Variants in PRXL2A observed in about 807,000 individuals in gnomAD.
PRXL2A encodes the protein peroxiredoxin like 2A, also known as peroxiredoxin-like 2A.
Under a neutral mutation model 25.6 loss-of-function variants are expected in PRXL2A, and 26 were observed. The ratio of observed to expected loss-of-function variants is 1.02; its 90% CI spans 0.74 to 1.41. PRXL2A has a LOEUF of 1.41. Ranked by LOEUF, PRXL2A falls within the 40% of genes most tolerant of loss-of-function variation. The pLI, the probability that PRXL2A is intolerant of heterozygous loss-of-function variation, is 0.00. For synonymous variants in PRXL2A, 98 were observed against 102.9 expected, an observed-to-expected ratio of 0.95 and a Z score of 0.29; for missense variants, 246 against 273.9, an observed-to-expected ratio of 0.90 and a Z score of 0.72.
At chr10:80,413,371 G>A (rs899377489) in intron 1 of PRXL2A, among the ~76,000 whole-genome samples, 9 of 152,334 alleles carry the variant, frequency 5.9e-5, no homozygotes, top group Non-Finnish European at 8.8e-5. Context: ...GGAAGGGAAA[G>A]CAAAAGGAGG....
chr10:80,414,523 G>C (rs1214679277), intron 1 of PRXL2A, among the ~76,000 whole-genome samples: 2 of 152,180 alleles, frequency 1.3e-5, no homozygotes, highest in Non-Finnish European at 2.9e-5. Context: ...TTAAGACAGA[G>C]GGAATCATAC....
chr10:80,407,906 C>G (rs796120548), upstream of PRXL2A: 1 of 152,328 alleles, frequency 6.6e-6, no homozygotes, highest in East Asian at 1.9e-4. Flanking sequence ...GCCAGCGCGC[C>G]GGACACAACC....
chr10:80,425,437 G>A (rs1845009176), intron 3 of PRXL2A, among the ~76,000 whole-genome samples: 1 of 152,224 alleles, frequency 6.6e-6, no homozygotes, highest in Non-Finnish European at 1.5e-5. Context: ...TGCAGACTCA[G>A]TACAGAAAAT....
chr10:80,422,514 T>G lies in PRXL2A; in HGVS notation c.270+6T>G. ...GCTGTTTCCTCTGTCGAGAGGTGAG[T>G]GCAGATGAGGATCTATTCAGAGAAA... On this transcript the variant is annotated splice_donor_region_variant and intron_variant, in intron 3 of 5. Transcript: ENST00000606162. 6.2e-7 allele frequency: 1 copy of G among 1,610,856 alleles called. No individual in the cohort carries two copies. Among genetic ancestry groups the G allele is most frequent in the Non-Finnish European group, 8.5e-7 (1 of 1,177,162 alleles).
In PRXL2A at chr10:80,433,129, T is replaced by G. The variant is rs1040660563; in HGVS notation, c.*1030T>G. The G allele has an allele frequency of 4.6e-5, 7 of 152,254 alleles. No homozygotes were observed. Among genetic ancestry groups the G allele is most frequent in the African/African-American group, 1.7e-4 (7 of 41,468 alleles). The allele number at this position is 152,254 out of a possible 1,614,324, so 9.4% of individuals were successfully genotyped here. A position where few individuals can be genotyped will look rare whatever the true frequency, so the allele number is the denominator to read the frequency against. On this transcript the variant is annotated 3_prime_UTR_variant, in exon 6 of 6. Coordinates refer to ENST00000606162, the MANE Select transcript of PRXL2A (RefSeq NM_032333.5). ...CGGGGGATTCCTCTGGTTCTAGCTA[T>G]CTAAGTGGTTTGAAAATGACCAGGA...
intron 3 of PRXL2A, among the ~76,000 whole-genome samples, chr10:80,422,939 T>C (rs79663924): frequency 0.019 from 2,819 of 152,276 alleles, 88 homozygotes; most frequent in African/African-American, 0.065. Flanking sequence ...AGGTTACCTA[T>C]TAGAGCAGAC....
chr10:80,426,901 T>C (rs1176660322), intron 4 of PRXL2A, among the ~76,000 whole-genome samples: 1 of 152,080 alleles, frequency 6.6e-6, no homozygotes, highest in Admixed American at 6.5e-5. Context: ...CTCAGCACTT[T>C]GGGAGGCCGA....
At chr10:80,423,753 C>CG (rs1214514805) in intron 3 of PRXL2A, among the ~76,000 whole-genome samples, 1 of 147,418 alleles carries the variant, frequency 6.8e-6, no homozygotes, top group Non-Finnish European at 1.5e-5. Flanking sequence ...CCACCCGGAT[C>CG]GGGGAGATGT....
intron 1 of PRXL2A, among the ~76,000 whole-genome samples, chr10:80,415,965 C>T (rs1564688996): frequency 2.0e-5 from 3 of 152,152 alleles, no homozygotes; most frequent in East Asian, 1.9e-4. Flanking sequence ...TGTATACTGA[C>T]GCAGAAATGC....
In PRXL2A at chr10:80,425,885, C is replaced by G; in HGVS notation, c.290C>G (p.Ser97Cys). The G allele has an allele frequency of 1.9e-6, 3 of 1,614,252 alleles. No homozygotes were observed. Among genetic ancestry groups the G allele is most frequent in the Non-Finnish European group, 2.5e-6 (3 of 1,180,046 alleles). The change falls in exon 4 of 6, where the codon TCC becomes TGC. Residue 97 changes from serine (S) to cysteine (C), a missense_variant. Transcript: ENST00000606162. ...LCREEAADLS[S>C]LKSMLDQLGV... ...CTACAGGAAGCTGCGGATCTGTCCT[C>G]CCTGAAAAGCATGTTGGACCAGCTG... is the stretch of plus-strand genomic sequence containing the variant.
At chr10:80,410,648 G>A (rs1844449137) in intron 1 of PRXL2A, among the ~76,000 whole-genome samples, 1 of 152,248 alleles carries the variant, frequency 6.6e-6, no homozygotes, top group Non-Finnish European at 1.5e-5. Context: ...TCTTTAAAGT[G>A]CCCTTGTTTT....
At chr10:80,412,160 C>T (rs1844499197) in intron 1 of PRXL2A, among the ~76,000 whole-genome samples, 1 of 152,118 alleles carries the variant, frequency 6.6e-6, no homozygotes, top group African/African-American at 2.4e-5. Context: ...GATGTCAGAG[C>T]TAAGACAACC....
At chr10:80,422,594 G>A in intron 3 of PRXL2A, 86 bp downstream of exon 3, 1 of 935,952 alleles carries the variant, frequency 1.1e-6, no homozygotes, top group Non-Finnish European at 1.7e-6. Context: ...GGGTCGGTAA[G>A]CCAGCTTTAG....
chr10:80,408,966 C>T (rs1326225434), intron 1 of PRXL2A: 34 of 928,824 alleles, frequency 3.7e-5, no homozygotes, highest in Non-Finnish European at 4.4e-5. Flanking sequence ...CCTTGAGTGA[C>T]GCCGGTGGCG....
chr10:80,420,776 CA>C (rs1293970213), intron 2 of PRXL2A, 131 bp downstream of exon 2: 9 of 675,064 alleles, frequency 1.3e-5, no homozygotes, highest in Non-Finnish European at 2.0e-5. Flanking sequence ...AATTTAATAA[CA>C]ATTTTTAAAC....
chr10:80,436,776 T>C lies in PRXL2A; in HGVS notation c.*4677T>C, dbSNP rs1348275178. The C allele has an allele frequency of 6.6e-6, 1 of 152,186 alleles. No individual in the cohort carries two copies. Among genetic ancestry groups the C allele is most frequent in the Non-Finnish European group, 1.5e-5 (1 of 68,032 alleles). 9.4% of individuals were successfully genotyped at this position (152,186 alleles called of 1,614,324 possible). A position where few individuals can be genotyped will look rare whatever the true frequency, so the allele number is the denominator to read the frequency against. On this transcript the variant is annotated 3_prime_UTR_variant, in exon 6 of 6. Transcript: ENST00000606162. Reference sequence around the variant, plus strand: ...CTAAAAATAGTCCTCTCACTCCCCATTCCCCTTTCTGTGTAAAAACTGGTT... The same window carrying C: ...CTAAAAATAGTCCTCTCACTCCCCACTCCCCTTTCTGTGTAAAAACTGGTT...
chr10:80,417,566 AAAC>A (rs1844705407), intron 1 of PRXL2A, among the ~76,000 whole-genome samples: 1 of 152,130 alleles, frequency 6.6e-6, no homozygotes, highest in Non-Finnish European at 1.5e-5. Context: ...GTTAGAGTAA[AAAC>A]AAGGTTAGGC....
rs1230207161 is a variant in PRXL2A, at chr10:80,435,867, G to GC, written c.*3769dup. ...AGATTAAAGTCATTAATCTCTGTGGGCTTTGGACTTGAAGTTTCAGCAGCC... is the reference window on the plus strand; with the variant it reads ...AGATTAAAGTCATTAATCTCTGTGGGCCTTTGGACTTGAAGTTTCAGCAGCC... On this transcript the variant is annotated 3_prime_UTR_variant, in exon 6 of 6. Transcript: ENST00000606162. The GC allele has an allele frequency of 6.6e-6, 1 of 152,182 alleles. No individual in the cohort carries two copies. The highest frequency in any genetic ancestry group is 2.4e-5 in the African/African-American group (1 of 41,448). 9.4% of individuals were successfully genotyped at this position (152,182 alleles called of 1,614,324 possible).
rs372361112 is a variant in PRXL2A at position 80,425,874 on chromosome 10, G to A, written c.279G>A (p.Ala93=). The A allele has an allele frequency of 1.1e-5, 18 of 1,614,110 alleles. No homozygotes were observed. Among genetic ancestry groups the A allele is most frequent in the African/African-American group, 2.7e-5 (2 of 74,940 alleles). ...PGCFLCREEA[A]DLSSLKSMLD... ...CCTTGTGTCTTCTACAGGAAGCTGC[G>A]GATCTGTCCTCCCTGAAAAGCATGT... Residue 93 remains alanine (A), a synonymous_variant, in exon 4 of 6, where the codon GCG becomes GCA. Transcript: ENST00000606162.
Sources: allele counts gnomAD v4.1 joint callset (sites outside exome capture counted in the v4.1 genomes callset), GRCh38; gene constraint gnomAD v4.1.1; transcripts MANE v1.5; gene names NCBI Gene and HGNC (gene_info 2026-07-23, HGNC 2026-07-21).